TMEM45B: variants seen among roughly 807,000 people sequenced by gnomAD.
The protein encoded by TMEM45B is transmembrane protein 45B.
TMEM45B carries 29 observed loss-of-function variants against 27.3 expected under a neutral mutation model. The observed-to-expected ratio is 1.06, with a 90% CI of 0.79 to 1.45. The LOEUF (loss-of-function observed/expected upper bound fraction) is 1.45, where lower values mean the gene tolerates loss of function less well. TMEM45B is among the 40% of genes most tolerant of loss of function. TMEM45B has a pLI of 0.00. For synonymous variants in TMEM45B, 143 were observed against 134.7 expected (o/e 1.06, Z -0.43); for missense variants, 348 against 343.9 (o/e 1.01, Z -0.09).
At position 129,857,375 on chromosome 11, in the gene TMEM45B, C is replaced by A. The variant is rs781202429; in HGVS notation, c.633C>A (p.Asn211Lys). ...AATGGGACCAGAAGGATGATGCCAACCTCATGTTCATCACCATGTGCTTCT... is the reference window on the plus strand; with the variant it reads ...AATGGGACCAGAAGGATGATGCCAAACTCATGTTCATCACCATGTGCTTCT... Reference protein sequence around the residue: ...TPEWDQKDDANLMFITMCFCW... With the variant: ...TPEWDQKDDAKLMFITMCFCW... The change falls in exon 5 of 6, where the codon AAC (asparagine) becomes AAA (lysine). Residue 211 changes from asparagine (N) to lysine (K), a missense_variant. Physicochemically the swap from Asn to Lys is moderately conservative, Grantham distance 94 (BLOSUM62 0). Coordinates refer to ENST00000281441, the MANE Select transcript of TMEM45B (RefSeq NM_138788.5). 3 of 1,614,044 alleles carry A rather than the reference C, an allele frequency of 1.9e-6. No homozygotes were observed. The highest frequency in any genetic ancestry group is 1.7e-5 in the Admixed American group (1 of 59,994).
chr11:129,823,225 C>G (rs987735348), intron 1 of TMEM45B, among the ~76,000 whole-genome samples: 2 of 152,176 alleles, frequency 1.3e-5, no homozygotes, highest in African/African-American at 4.8e-5. Context: ...CAATTTTTCC[C>G]TTCTGCAGCC....
chr11:129,821,011 C>G (rs1947413268), intron 1 of TMEM45B, among the ~76,000 whole-genome samples: 1 of 152,180 alleles, frequency 6.6e-6, no homozygotes, highest in Non-Finnish European at 1.5e-5. Context: ...CACCCTCCCT[C>G]TCACCTTCAC....
intron 1 of TMEM45B, among the ~76,000 whole-genome samples, chr11:129,819,846 G>A (rs560477140): frequency 1.3e-5 from 2 of 151,788 alleles, no homozygotes; most frequent in African/African-American, 2.4e-5. Flanking sequence ...GAGCCACCAC[G>A]CCTGGCCTGT....
chr11:129,857,549 G>A (rs1389341683), intron 5 of TMEM45B, 91 bp downstream of exon 5: 29 of 1,463,430 alleles, frequency 2.0e-5, no homozygotes, highest in Non-Finnish European at 2.4e-5. Context: ...GCCGACTACA[G>A]GCCAAATTCT....
chr11:129,821,783 C>A (rs1947422535), intron 1 of TMEM45B, among the ~76,000 whole-genome samples: 1 of 150,866 alleles, frequency 6.6e-6, no homozygotes. Flanking sequence ...AATCTCTGGG[C>A]ATTTGTAGGG....
At chr11:129,843,323 G>T (rs965595477) in intron 1 of TMEM45B, among the ~76,000 whole-genome samples, 2 of 152,190 alleles carry the variant, frequency 1.3e-5, no homozygotes, top group Admixed American at 1.3e-4. Flanking sequence ...TAGTTTATCT[G>T]CTATCGTTGC....
chr11:129,816,732 C>CTTTTTTTTTTTT (rs869217352), intron 1 of TMEM45B, among the ~76,000 whole-genome samples: 2 of 79,748 alleles, frequency 2.5e-5, no homozygotes, highest in African/African-American at 4.9e-5. Context: ...ATGGCCACTT[C>CTTTTTTTTTTTT]TTTTTTTTTT....
intron 1 of TMEM45B, among the ~76,000 whole-genome samples, chr11:129,831,011 A>T (rs563435193): frequency 2.2e-4 from 33 of 152,206 alleles, no homozygotes; most frequent in Non-Finnish European, 4.4e-4. Flanking sequence ...AAAACCATGG[A>T]TAGTTAGTTC....
At chr11:129,833,714 G>A (rs966760702) in intron 1 of TMEM45B, among the ~76,000 whole-genome samples, 2 of 152,136 alleles carry the variant, frequency 1.3e-5, no homozygotes, top group Non-Finnish European at 2.9e-5. Flanking sequence ...GGCGGAGGTT[G>A]CAGTGAGCCG....
intron 1 of TMEM45B, among the ~76,000 whole-genome samples, chr11:129,823,074 T>C (rs1947439708): frequency 6.6e-6 from 1 of 151,872 alleles, no homozygotes; most frequent in Non-Finnish European, 1.5e-5. Context: ...CCCCTGACCT[T>C]GTGATCCACC....
intron 1 of TMEM45B, among the ~76,000 whole-genome samples, chr11:129,832,302 G>A (rs1185124243): frequency 3.5e-5 from 5 of 144,828 alleles, no homozygotes; most frequent in African/African-American, 7.7e-5. Context: ...CCCAGGAGGC[G>A]GAGCTTGCAG....
chr11:129,823,226 T>C (rs1947441674), intron 1 of TMEM45B, among the ~76,000 whole-genome samples: 1 of 152,222 alleles, frequency 6.6e-6, no homozygotes, highest in Non-Finnish European at 1.5e-5. Flanking sequence ...AATTTTTCCC[T>C]TCTGCAGCCC....
intron 2 of TMEM45B, chr11:129,852,886 T>C (rs1947868440): frequency 5.1e-6 from 2 of 395,842 alleles, no homozygotes; most frequent in Non-Finnish European, 8.8e-6. Flanking sequence ...AAAACTCAAA[T>C]CAACAAGGAC....
At chr11:129,852,337 T>C (rs1252918915) in intron 1 of TMEM45B, 138 bp from the exon 2 acceptor site, 1 of 747,536 alleles carries the variant, frequency 1.3e-6, no homozygotes, top group Non-Finnish European at 2.1e-6. Flanking sequence ...ACATAAGGCT[T>C]GTTTTATGAG....
At chr11:129,819,025 G>T (rs539549334) in intron 1 of TMEM45B, among the ~76,000 whole-genome samples, 1 of 152,310 alleles carries the variant, frequency 6.6e-6, no homozygotes, top group South Asian at 2.1e-4. Context: ...GTCTGTGACA[G>T]CAAACATAAC....
chr11:129,855,030 T>G (rs1441426463), intron 3 of TMEM45B, among the ~76,000 whole-genome samples: 1 of 152,204 alleles, frequency 6.6e-6, no homozygotes, highest in Non-Finnish European at 1.5e-5. Context: ...GCTTTGAGGC[T>G]TGAAGGCAGC....
chr11:129,832,106 C>T lies in TMEM45B; in HGVS notation c.-9+16208C>T, dbSNP rs551476172. Reference sequence around the variant, plus strand: ...AAAAAAGGATCCGGACACAGTGGCTCACGCCTGTAATCCCAGCACTTTGGG... The same window carrying T: ...AAAAAAGGATCCGGACACAGTGGCTTACGCCTGTAATCCCAGCACTTTGGG... On this transcript the variant is annotated intron_variant, in intron 1 of 5. Transcript: ENST00000281441. 4.5e-3 allele frequency among the ~76,000 whole-genome samples: 641 copies of T among 141,698 alleles called. 7 individuals carry two copies. The highest frequency in any genetic ancestry group is 4.9e-3 in the Non-Finnish European group (323 of 65,954). 93.0% of individuals were successfully genotyped at this position (141,698 alleles called of 152,430 possible). A position where few individuals can be genotyped will look rare whatever the true frequency, so the allele number is the denominator to read the frequency against.
At chr11:129,853,519 C>T (rs886370832) in intron 2 of TMEM45B, among the ~76,000 whole-genome samples, 2 of 152,218 alleles carry the variant, frequency 1.3e-5, no homozygotes, top group Non-Finnish European at 2.9e-5. Flanking sequence ...TGAGAAGTGA[C>T]AGGGACCTGT....
chr11:129,815,899 G>A lies in TMEM45B; in HGVS notation c.-9+1G>A. ...GACGGCTGCGAGGCGCTGGGCACAG[G>A]TCAGACGTCCGTACCCGCAGGGGGC... On this transcript the variant is annotated splice_donor_variant, in intron 1 of 5. Coordinates refer to ENST00000281441, the MANE Select transcript of TMEM45B (RefSeq NM_138788.5). LOFTEE classifies it low-confidence loss of function (5UTR_SPLICE). The A allele has an allele frequency of 1.6e-6, 2 of 1,283,312 alleles. No homozygotes were observed. Among genetic ancestry groups the A allele is most frequent in the Non-Finnish European group, 2.0e-6 (2 of 1,021,314 alleles). 79.5% of individuals were successfully genotyped at this position (1,283,312 alleles called of 1,614,324 possible).
Sources: allele counts gnomAD v4.1 joint callset (sites outside exome capture counted in the v4.1 genomes callset), GRCh38; gene constraint gnomAD v4.1.1; transcripts MANE v1.5; gene names NCBI Gene and HGNC (gene_info 2026-07-23, HGNC 2026-07-21).